The following FARSB variants were observed in gnomAD, a reference collection of about 807,000 sequenced individuals.
The protein encoded by FARSB is phenylalanyl-tRNA synthetase subunit beta.
FARSB carries 40 observed loss-of-function variants against 69.6 expected under a neutral mutation model. The ratio of observed to expected loss-of-function variants is 0.57; its 90% CI spans 0.45 to 0.75. The LOEUF (loss-of-function observed/expected upper bound fraction) is 0.75. Ranked by LOEUF, FARSB falls within the 30% of genes least tolerant of loss-of-function variation. The pLI is 0.00. For missense variants in FARSB, 632 were observed against 722.9 expected (o/e 0.87, Z 1.44); for synonymous variants, 235 against 247.2 (o/e 0.95, Z 0.46).
chr2:222,621,069 T>C (rs17499880), intron 13 of FARSB, among the ~76,000 whole-genome samples: 45,211 of 152,168 alleles, frequency 0.3, 7,518 homozygotes, highest in Non-Finnish European at 0.38. Context: ...TTAGGTATAA[T>C]GTGACTGATT....
rs540565969 is a variant in FARSB, at chr2:222,575,338, C to T, written c.1619-3316G>A. On this transcript the variant is annotated intron_variant, in intron 16 of 16. Coordinates refer to ENST00000281828, the MANE Select transcript of FARSB (RefSeq NM_005687.5). ...TGGTAGCCAAAGGCTAACCTTATAG[C>T]ATCAACAAACAAAAACATATTTTTA... Among the ~76,000 whole-genome samples the T allele has an allele frequency of 2.0e-5, 3 of 152,334 alleles. No homozygotes were observed. The East Asian group carries it at 5.8e-4, about 29-fold the overall frequency.
intron 5 of FARSB, among the ~76,000 whole-genome samples, chr2:222,638,966 T>C (rs531690067): frequency 6.6e-6 from 1 of 152,322 alleles, no homozygotes; most frequent in East Asian, 1.9e-4. Context: ...CTTAAATTTG[T>C]TCAAGGATTC....
chr2:222,623,420 A>G (rs1273074781), intron 13 of FARSB, among the ~76,000 whole-genome samples: 1 of 152,146 alleles, frequency 6.6e-6, no homozygotes, highest in Admixed American at 6.6e-5. Flanking sequence ...GTCATCTCTC[A>G]TTTGAGGTAT....
intron 2 of FARSB, 46 bp from the exon 3 acceptor site, chr2:222,643,051 T>C (rs1357502197): frequency 7.8e-7 from 1 of 1,279,388 alleles, no homozygotes; most frequent in East Asian, 2.5e-5. Context: ...TAATTTAAAC[T>C]CTCTTTAAAA....
At chr2:222,648,089 G>A (rs953659009) in intron 2 of FARSB, among the ~76,000 whole-genome samples, 4 of 152,044 alleles carry the variant, frequency 2.6e-5, no homozygotes, top group South Asian at 2.1e-4. Context: ...AAGCCCCCGC[G>A]AGGAAGGACT....
chr2:222,610,566 A>G (rs1574930490), intron 15 of FARSB, among the ~76,000 whole-genome samples: 2 of 152,208 alleles, frequency 1.3e-5, no homozygotes, highest in African/African-American at 4.8e-5. Flanking sequence ...AAAAGTTAGG[A>G]TAAGAATTGG....
intron 16 of FARSB, among the ~76,000 whole-genome samples, chr2:222,573,367 T>C (rs1293300661): frequency 6.6e-6 from 1 of 152,214 alleles, no homozygotes; most frequent in Non-Finnish European, 1.5e-5. Context: ...AGAATTTCAG[T>C]GACTGCATTT....
chr2:222,584,313 T>A (rs1013566209), intron 16 of FARSB, among the ~76,000 whole-genome samples: 2 of 152,222 alleles, frequency 1.3e-5, no homozygotes, highest in African/African-American at 2.4e-5. Flanking sequence ...TAGAAGTTGC[T>A]TAAAGGGAGT....
At chr2:222,642,421 T>C (rs1184322288) in intron 3 of FARSB, among the ~76,000 whole-genome samples, 1 of 152,168 alleles carries the variant, frequency 6.6e-6, no homozygotes, top group African/African-American at 2.4e-5. Context: ...CGTCATAAGA[T>C]CTTTGGTTTT....
intron 7 of FARSB, 40 bp from the exon 8 acceptor site, chr2:222,631,714 T>A (rs1316992668): frequency 8.7e-6 from 10 of 1,146,464 alleles, no homozygotes; most frequent in Non-Finnish European, 1.2e-5. Flanking sequence ...AATAACTAAT[T>A]TCAGAAATAG....
chr2:222,569,620 A>T lies in FARSB; in HGVS notation c.*2251T>A, dbSNP rs139280218. 1 of 152,266 alleles carries T rather than the reference A, an allele frequency of 6.6e-6. No homozygotes were observed. The highest frequency in any genetic ancestry group is 2.4e-5 in the African/African-American group (1 of 41,554). 9.4% of individuals were successfully genotyped at this position (152,266 alleles called of 1,614,324 possible). ...TTAAGATAAAATTTCCATCACCCCA[A>T]AAAGTTTTCTCTTAACCCACTGCAG... On this transcript the variant is annotated 3_prime_UTR_variant, in exon 17 of 17. Coordinates refer to ENST00000281828, the MANE Select transcript of FARSB (RefSeq NM_005687.5).
chr2:222,590,137 T>G (rs1298976239), intron 16 of FARSB, among the ~76,000 whole-genome samples: 1 of 152,114 alleles, frequency 6.6e-6, no homozygotes, highest in Non-Finnish European at 1.5e-5. Flanking sequence ...AATGATAGAC[T>G]GGATTAAGAA....
chr2:222,641,986 T>C (rs1441721058), intron 3 of FARSB, among the ~76,000 whole-genome samples: 1 of 144,848 alleles, frequency 6.9e-6, no homozygotes, highest in African/African-American at 2.5e-5. Flanking sequence ...TCACTGTATA[T>C]ATTTGTTATC....
At chr2:222,632,020 C>A (rs1043982887) in intron 7 of FARSB, among the ~76,000 whole-genome samples, 1 of 151,618 alleles carries the variant, frequency 6.6e-6, no homozygotes, top group Non-Finnish European at 1.5e-5. Context: ...TGTGGTGAGC[C>A]GAGATGGTGC....
At chr2:222,610,501 T>TA (rs1479983646) in intron 15 of FARSB, among the ~76,000 whole-genome samples, 35 of 149,034 alleles carry the variant, frequency 2.3e-4, no homozygotes, top group South Asian at 1.5e-3. Context: ...AAATAAAAAA[T>TA]AGAAAAAATA....
In FARSB at chr2:222,613,722, T is replaced by C. The variant is rs1574932453; in HGVS notation, c.1462+89A>G. On this transcript the variant is annotated intron_variant, in intron 15 of 16. Coordinates refer to ENST00000281828, the MANE Select transcript of FARSB (RefSeq NM_005687.5). ...GGGTACATAGGGGCTAATTATACTA[T>C]TTTTTCTGCTTTTATGTATAGTTAA... is the stretch of plus-strand genomic sequence containing the variant. The C allele has an allele frequency of 2.7e-5, 22 of 812,314 alleles. No homozygotes were observed. In the East Asian group the frequency reaches 5.3e-4, roughly 20 times the overall value. The allele number at this position is 812,314 out of a possible 1,614,324, so 50.3% of individuals were successfully genotyped here.
At chr2:222,645,423 A>G (rs1447111) in intron 2 of FARSB, among the ~76,000 whole-genome samples, 43,505 of 152,106 alleles carry the variant, frequency 0.29, 6,472 homozygotes, top group Middle Eastern at 0.44. Context: ...ATTAGTACAA[A>G]GATGATCTTT....
At chr2:222,590,866 T>C (rs1690250910) in intron 16 of FARSB, among the ~76,000 whole-genome samples, 1 of 152,192 alleles carries the variant, frequency 6.6e-6, no homozygotes, top group Non-Finnish European at 1.5e-5. Context: ...AGTCTCTTTA[T>C]TTTTATGTAT....
chr2:222,642,902 T>C lies in FARSB; in HGVS notation c.218A>G (p.Asp73Gly), dbSNP rs771507302. ...AACCAATCCTTCCAGACACAGGAGA[T>C]CATATCTATTGGCAGGGACGTCAAT... ...YKIDVPANRY[D>G]LLCLEGLVRG... The change falls in exon 3 of 17, where the codon GAT becomes GGT. Residue 73 changes from aspartate to glycine, a missense_variant. Asp to Gly is a moderately conservative substitution (Grantham distance 94, BLOSUM62 -1). Coordinates refer to ENST00000281828, the MANE Select transcript of FARSB (RefSeq NM_005687.5). 1.2e-6 allele frequency: 2 copies of C among 1,613,224 alleles called. No homozygotes were observed. The highest frequency in any genetic ancestry group is 1.1e-5 in the South Asian group (1 of 91,022).
Sources: gnomAD v4.1 joint callset for allele counts (sites outside exome capture counted in the v4.1 genomes callset) on GRCh38, gnomAD v4.1.1 for gene constraint, MANE v1.5 for transcripts, NCBI Gene and HGNC (gene_info 2026-07-23, HGNC 2026-07-21) for gene names.